The following ULK4 variants were observed in gnomAD, a reference collection of about 807,000 sequenced individuals.
ULK4 encodes the protein unc-51 like kinase 4.
In ULK4, 133 loss-of-function variants were observed where a neutral mutation model predicts 160.6. The observed-to-expected ratio is 0.83, with a 90% CI of 0.72 to 0.96. The LOEUF (loss-of-function observed/expected upper bound fraction) is 0.96. Ranked by LOEUF, ULK4 falls within the 40% of genes least tolerant of loss-of-function variation. ULK4 has a pLI of 0.00. For missense variants in ULK4, 1,580 were observed against 1,499.5 expected, an observed-to-expected ratio of 1.05 and a Z score of -0.89; for synonymous variants, 534 against 539.8, an observed-to-expected ratio of 0.99 and a Z score of 0.15.
At chr3:41,498,884 T>C (rs114259271) in intron 32 of ULK4, among the ~76,000 whole-genome samples, 8,463 of 152,216 alleles carry the variant, frequency 0.056, 296 homozygotes, top group Non-Finnish European at 0.085. Context: ...CGTGAGCCAC[T>C]GTCTGGCCGA....
intron 27 of ULK4, among the ~76,000 whole-genome samples, chr3:41,685,058 G>A (rs2036054643): frequency 6.7e-6 from 1 of 149,884 alleles, no homozygotes; most frequent in Admixed American, 6.6e-5. Context: ...TCAATACCTG[G>A]CACAGGGAAT....
chr3:41,401,592 A>G (rs1473568126), intron 34 of ULK4, among the ~76,000 whole-genome samples: 1 of 152,146 alleles, frequency 6.6e-6, no homozygotes, highest in Non-Finnish European at 1.5e-5. Flanking sequence ...GTCTCTGGTC[A>G]ACCATGGCAA....
intron 35 of ULK4, among the ~76,000 whole-genome samples, chr3:41,268,571 C>T (rs376060691): frequency 8.2e-4 from 124 of 152,096 alleles, no homozygotes; most frequent in African/African-American, 2.9e-3. Context: ...TTTGGGAGAC[C>T]GAGGCGGGCA....
At chr3:41,775,888 C>T (rs1164851711) in intron 21 of ULK4, among the ~76,000 whole-genome samples, 1 of 150,678 alleles carries the variant, frequency 6.6e-6, no homozygotes, top group Non-Finnish European at 1.5e-5. Context: ...AATATTCTAC[C>T]ACAAGGATAT....
At chr3:41,408,058 T>G (rs576771225) in intron 34 of ULK4, among the ~76,000 whole-genome samples, 2 of 152,142 alleles carry the variant, frequency 1.3e-5, no homozygotes, top group East Asian at 3.9e-4. Context: ...CAATCTGAAG[T>G]TGAAATTAAG....
At chr3:41,941,394 T>C (rs775611386) in intron 2 of ULK4, among the ~76,000 whole-genome samples, 1 of 145,266 alleles carries the variant, frequency 6.9e-6, no homozygotes, top group Admixed American at 7.0e-5. Flanking sequence ...CTACTACCAC[T>C]TAACACAAAC....
chr3:41,850,769 T>C (rs1223103474), intron 17 of ULK4, among the ~76,000 whole-genome samples: 1 of 152,258 alleles, frequency 6.6e-6, no homozygotes, highest in East Asian at 1.9e-4. Context: ...GCCTGTTCAC[T>C]CTGATGGTAG....
chr3:41,387,157 C>A (rs1440392228), intron 35 of ULK4, among the ~76,000 whole-genome samples: 2 of 152,044 alleles, frequency 1.3e-5, no homozygotes, highest in African/African-American at 2.4e-5. Flanking sequence ...GGTTTCGATA[C>A]ATATAATGTA....
At chr3:41,729,690 A>G (rs1164941561) in intron 22 of ULK4, among the ~76,000 whole-genome samples, 1 of 152,230 alleles carries the variant, frequency 6.6e-6, no homozygotes, top group Admixed American at 6.5e-5. Context: ...CTGAGCTGCC[A>G]GTCAACCAGC....
chr3:41,276,430 G>A (rs2079229557), intron 35 of ULK4, among the ~76,000 whole-genome samples: 1 of 152,146 alleles, frequency 6.6e-6, no homozygotes, highest in Non-Finnish European at 1.5e-5. Flanking sequence ...GACCATCCAG[G>A]GGAAAGCTCC....
At chr3:41,721,279 T>TTTGTTTTTTG (rs1553639845) in intron 22 of ULK4, among the ~76,000 whole-genome samples, 2 of 98,922 alleles carry the variant, frequency 2.0e-5, no homozygotes, top group Non-Finnish European at 3.9e-5. Context: ...TTTTTTTTTT[T>TTTGTTTTTTG]TTTTTGGGTT....
intron 35 of ULK4, among the ~76,000 whole-genome samples, chr3:41,288,260 T>C (rs1286592236): frequency 6.6e-6 from 1 of 152,078 alleles, no homozygotes; most frequent in Non-Finnish European, 1.5e-5. Flanking sequence ...AGAAGTCCAA[T>C]TTTAAGTATC....
Position 41,317,915 on chromosome 3 carries a change from C to T in ULK4, c.3679-68341G>A, listed in dbSNP as rs1256296108. On this transcript the variant is annotated intron_variant, in intron 35 of 36. Coordinates refer to ENST00000301831, the MANE Select transcript of ULK4 (RefSeq NM_017886.4). ...TGGGAAAGTTGCTGCTAATTCTTCTCCTTTTATATCTTCTTCCTGTTAACT... is the reference window on the plus strand; with the variant it reads ...TGGGAAAGTTGCTGCTAATTCTTCTTCTTTTATATCTTCTTCCTGTTAACT... Among the ~76,000 whole-genome samples, 9 of 152,312 alleles carry T rather than the reference C, an allele frequency of 5.9e-5. No homozygotes were observed. In the East Asian group the frequency reaches 1.7e-3, roughly 29 times the overall value.
rs187187843 is a variant in ULK4, at chr3:41,855,868, T to C, written c.1657-19897A>G. On this transcript the variant is annotated intron_variant, in intron 17 of 36. Transcript: ENST00000301831. ...TACTAACTTACACTACATTCAAATA[T>C]GTTAGTCTCATACCTGCTGCCCTAA... Among the ~76,000 whole-genome samples the C allele has an allele frequency of 2.6e-3, 389 of 152,302 alleles. 7 individuals carry two copies. Among genetic ancestry groups the C allele is most frequent in the Non-Finnish European group, 1.7e-3 (119 of 68,024 alleles).
intron 35 of ULK4, among the ~76,000 whole-genome samples, chr3:41,376,022 CAT>C (rs1478904768): frequency 1.3e-5 from 2 of 150,218 alleles, no homozygotes; most frequent in African/African-American, 2.5e-5. Context: ...GGCCAATAAA[CAT>C]ATAAAAAAAG....
chr3:41,935,680 G>T (rs1699754508), intron 4 of ULK4, 121 bp downstream of exon 4: 4 of 1,229,480 alleles, frequency 3.3e-6, no homozygotes, highest in Non-Finnish European at 1.1e-6. Context: ...TTTAAAAAAA[G>T]ATTAACTAAA....
rs192137427 is a variant in ULK4 at position 41,496,420 on chromosome 3, A to G, written c.3227-33167T>C. 2.0e-5 allele frequency among the ~76,000 whole-genome samples: 3 copies of G among 152,192 alleles called. No homozygotes were observed. In the East Asian group the frequency reaches 5.8e-4, roughly 29 times the overall value. On this transcript the variant is annotated intron_variant, in intron 32 of 36. Transcript: ENST00000301831. ...CTCCTGAGAGAGGAAAAACACATAC[A>G]ATGAATGAGCCCCATAACCACCCCA...
chr3:41,387,933 C>T (rs915372972), intron 35 of ULK4, among the ~76,000 whole-genome samples: 1 of 152,088 alleles, frequency 6.6e-6, no homozygotes, highest in South Asian at 2.1e-4. Flanking sequence ...GTTCTAGATC[C>T]CTGAGGAATC....
At chr3:41,807,430 A>T (rs2040680130) in intron 19 of ULK4, among the ~76,000 whole-genome samples, 1 of 152,198 alleles carries the variant, frequency 6.6e-6, no homozygotes. Flanking sequence ...TGTATTTTTC[A>T]TATAAAAACG....
Sources: gnomAD v4.1 joint callset for allele counts (sites outside exome capture counted in the v4.1 genomes callset) on GRCh38, gnomAD v4.1.1 for gene constraint, MANE v1.5 for transcripts, NCBI Gene and HGNC (gene_info 2026-07-23, HGNC 2026-07-21) for gene names.